VPS33A: variants seen among roughly 807,000 people sequenced by gnomAD.
VPS33A encodes VPS33A core subunit of CORVET and HOPS complexes, also known as vacuolar protein sorting-associated protein 33A.
VPS33A carries 32 observed loss-of-function variants against 71.8 expected under a neutral mutation model. The ratio of observed to expected loss-of-function variants is 0.45; its 90% CI spans 0.34 to 0.60. VPS33A has a LOEUF of 0.60. Ranked by LOEUF, VPS33A falls within the 20% of genes least tolerant of loss-of-function variation. The pLI is 0.02. For synonymous variants in VPS33A, 311 were observed against 292.7 expected (o/e 1.06, Z -0.64); for missense variants, 625 against 748.5 (o/e 0.84, Z 1.92).
chr12:122,261,213 A>G (rs372246543), intron 4 of VPS33A, 48 bp downstream of exon 4: 1 of 1,564,040 alleles, frequency 6.4e-7, no homozygotes, highest in Admixed American at 1.9e-5. Context: ...TCACACTCAT[A>G]AACTGGGCAA....
chr12:122,238,403 T>C (rs1954658932), intron 10 of VPS33A, among the ~76,000 whole-genome samples, 184 bp downstream of exon 10: 1 of 152,104 alleles, frequency 6.6e-6, no homozygotes. Context: ...GTATTTTTAA[T>C]AGAGATGGGG....
At chr12:122,246,588 T>C (rs1202736239) in intron 6 of VPS33A, among the ~76,000 whole-genome samples, 4 of 149,014 alleles carry the variant, frequency 2.7e-5, no homozygotes, top group African/African-American at 9.8e-5. Flanking sequence ...CATGAGCCAG[T>C]GTGTCCAGCC....
At chr12:122,234,054 A>T (rs534646464) in intron 11 of VPS33A, among the ~76,000 whole-genome samples, 4 of 152,352 alleles carry the variant, frequency 2.6e-5, no homozygotes, top group African/African-American at 9.6e-5. Flanking sequence ...AAAAAGACTG[A>T]AATTTAGAAA....
intron 7 of VPS33A, among the ~76,000 whole-genome samples, chr12:122,243,113 T>C (rs1954736196): frequency 6.6e-6 from 1 of 152,174 alleles, no homozygotes; most frequent in Non-Finnish European, 1.5e-5. Context: ...ATCTGAGTAT[T>C]GGTGAAAGAT....
intron 4 of VPS33A, among the ~76,000 whole-genome samples, chr12:122,255,960 C>CACCCGGTTAATTTT (rs1566049582): frequency 5.3e-5 from 8 of 151,966 alleles, no homozygotes; most frequent in African/African-American, 1.9e-4. Flanking sequence ...CACATCACCA[C>CACCCGGTTAATTTT]GTGTGGCTAG....
At chr12:122,265,661 A>G (rs1955058281) in intron 1 of VPS33A, 1 of 449,432 alleles carries the variant, frequency 2.2e-6, no homozygotes, top group Non-Finnish European at 4.5e-6. Context: ...TCTCTACAAG[A>G]CTGAGGCTCC....
chr12:122,244,669 T>C lies in VPS33A; in HGVS notation c.869A>G (p.Asn290Ser), dbSNP rs1224722173. The C allele has an allele frequency of 1.2e-6, 2 of 1,614,208 alleles. No homozygotes were observed. Among genetic ancestry groups the C allele is most frequent in the Non-Finnish European group, 1.7e-6 (2 of 1,180,028 alleles). The change falls in exon 7 of 13, where the codon AAT becomes AGT. Residue 290 changes from asparagine to serine, a missense_variant. Transcript: ENST00000267199. ...LPTEAKKLQL[N>S]SAEELYAEIR... ...CTCAGCATAGAGCTCCTCTGCAGAATTCAGCTGCAGCTTCTTTGCTTCCGT... is the reference window on the plus strand; with the variant it reads ...CTCAGCATAGAGCTCCTCTGCAGAACTCAGCTGCAGCTTCTTTGCTTCCGT...
At chr12:122,239,547 A>C (rs1190636644) in intron 9 of VPS33A, among the ~76,000 whole-genome samples, 3 of 152,104 alleles carry the variant, frequency 2.0e-5, no homozygotes, top group Non-Finnish European at 4.4e-5. Context: ...ATCCTGGCTA[A>C]CATGGTGAAA....
At position 122,238,996 on chromosome 12, in the gene VPS33A, TAC is replaced by T. The variant is rs68026867; in HGVS notation, c.1165-274_1165-273del. On this transcript the variant is annotated intron_variant, in intron 9 of 12. Coordinates refer to ENST00000267199, the MANE Select transcript of VPS33A (RefSeq NM_022916.6). ...CACACCCCACACACACATACATACATACACACACACACACACACACACACACC... is the reference window on the plus strand; with the variant it reads ...CACACCCCACACACACATACATACATACACACACACACACACACACACACC... 0.056 allele frequency among the ~76,000 whole-genome samples: 7,728 copies of T among 136,822 alleles called. 599 individuals carry two copies. Among genetic ancestry groups the T allele is most frequent in the African/African-American group, 0.18 (6,886 of 37,920 alleles). The allele number at this position is 136,822 out of a possible 152,430, so 89.8% of individuals were successfully genotyped here.
chr12:122,256,857 A>T (rs994280777), intron 4 of VPS33A, among the ~76,000 whole-genome samples: 1 of 152,208 alleles, frequency 6.6e-6, no homozygotes, highest in African/African-American at 2.4e-5. Flanking sequence ...CAGAAAGCTG[A>T]TTTAATACAT....
intron 4 of VPS33A, among the ~76,000 whole-genome samples, chr12:122,256,351 ATC>A (rs1954918629): frequency 6.6e-6 from 1 of 151,964 alleles, no homozygotes; most frequent in Non-Finnish European, 1.5e-5. Flanking sequence ...AGGCAGGCAG[ATC>A]TCTTGAGGTC....
intron 9 of VPS33A, among the ~76,000 whole-genome samples, chr12:122,239,017 A>T (rs1376496204): frequency 1.4e-5 from 2 of 138,560 alleles, no homozygotes; most frequent in Non-Finnish European, 1.6e-5. Flanking sequence ...ACACACACAC[A>T]CACACCCCCC....
chr12:122,257,843 T>C (rs926964110), intron 4 of VPS33A, among the ~76,000 whole-genome samples: 2 of 152,140 alleles, frequency 1.3e-5, no homozygotes, highest in African/African-American at 4.8e-5. Context: ...AGTGTAGTAC[T>C]GGCATAAGGA....
intron 4 of VPS33A, among the ~76,000 whole-genome samples, chr12:122,255,309 AT>A: frequency 6.6e-6 from 1 of 152,198 alleles, no homozygotes; most frequent in Non-Finnish European, 1.5e-5. Flanking sequence ...GTACAATTCA[AT>A]TTTTTGGTAT....
chr12:122,245,744 C>T (rs1292729478), intron 6 of VPS33A, among the ~76,000 whole-genome samples: 2 of 152,198 alleles, frequency 1.3e-5, no homozygotes, highest in Non-Finnish European at 2.9e-5. Context: ...CATGCCCAGC[C>T]CACTTTCTGT....
chr12:122,255,220 A>G (rs968903415), intron 4 of VPS33A, among the ~76,000 whole-genome samples: 3 of 152,368 alleles, frequency 2.0e-5, no homozygotes, highest in Middle Eastern at 3.4e-3. Flanking sequence ...AAATGAGTAT[A>G]CCATCACAGG....
chr12:122,242,526 G>T lies in VPS33A; in HGVS notation c.970-18C>A. ...TGTCTTTCCTGAAATAAACAAGAGA[G>T]CAGTGCCTCAAGCAGGGAAGATAGT... is the stretch of plus-strand genomic sequence containing the variant. On this transcript the variant is annotated intron_variant, in intron 7 of 12. Transcript: ENST00000267199. The T allele has an allele frequency of 6.3e-7, 1 of 1,595,806 alleles. No homozygotes were observed. The highest frequency in any genetic ancestry group is 8.6e-7 in the Non-Finnish European group (1 of 1,166,234).
At position 122,263,610 on chromosome 12, in the gene VPS33A, C is replaced by G; in HGVS notation, c.258G>C (p.Arg86Ser). 6.2e-7 allele frequency: 1 copy of G among 1,613,240 alleles called. No homozygotes were observed. The highest frequency in any genetic ancestry group is 8.5e-7 in the Non-Finnish European group (1 of 1,179,426). Reference protein sequence around the residue: ...VKNIIFFVRPRLELMDIIAEN... With the variant: ...VKNIIFFVRPSLELMDIIAEN... ...CAGCGATTATATCCATCAACTCTAG[C>G]CTGGGTCTGACAAAAAAAATTATAT... The change falls in exon 3 of 13, where the codon AGG becomes AGC. Residue 86 changes from arginine (R) to serine (S), a missense_variant. By Grantham distance (110) the Arg-to-Ser change is moderately radical. Coordinates refer to ENST00000267199, the MANE Select transcript of VPS33A (RefSeq NM_022916.6).
intron 8 of VPS33A, 74 bp from the exon 9 acceptor site, chr12:122,240,019 A>G (rs1486479048): frequency 1.3e-5 from 15 of 1,164,404 alleles, no homozygotes; most frequent in African/African-American, 4.5e-5. Flanking sequence ...TTTTATACAC[A>G]GAGCACGATT....
Sources: gnomAD v4.1 joint callset for allele counts (sites outside exome capture counted in the v4.1 genomes callset) on GRCh38, gnomAD v4.1.1 for gene constraint, MANE v1.5 for transcripts, NCBI Gene and HGNC (gene_info 2026-07-23, HGNC 2026-07-21) for gene names.